RYR2: variants seen among roughly 807,000 people sequenced by gnomAD.
The protein encoded by RYR2 is ryanodine receptor 2.
Under a neutral mutation model 601.1 loss-of-function variants are expected in RYR2, and 227 were observed. The ratio of observed to expected loss-of-function variants is 0.38; its 90% CI spans 0.34 to 0.42. The LOEUF (loss-of-function observed/expected upper bound fraction) is 0.42, where lower values mean the gene tolerates loss of function less well. Among genes scored for constraint, RYR2 ranks in the 10% least tolerant of loss-of-function variants. The pLI is 1.00. For missense variants in RYR2, 4,646 were observed against 6,156.5 expected, an observed-to-expected ratio of 0.75 and a Z score of 8.21; for synonymous variants, 2,223 against 2,175.1, an observed-to-expected ratio of 1.02 and a Z score of -0.61.
intron 43 of RYR2, 76 bp downstream of exon 43, chr1:237,633,786 A>T: frequency 4.3e-6 from 6 of 1,402,708 alleles, no homozygotes; most frequent in Non-Finnish European, 5.7e-6. Context: ...ACGTTTTGTT[A>T]AAAAATGTGC....
rs138857400 is a variant in RYR2 at position 237,445,261 on chromosome 1, C to T, written c.1171-140C>T. The T allele has an allele frequency of 2.1e-4, 199 of 941,042 alleles. 1 individual carries two copies. The African/African-American group carries it at 2.2e-3, about 10-fold the overall frequency. The allele number at this position is 941,042 out of a possible 1,614,324, so 58.3% of individuals were successfully genotyped here. Reference sequence around the variant, plus strand: ...AGCTGTGCATATGATTTTATCTGAACGTAACAGCTTCACAGTCCCCTGTAC... The same window carrying T: ...AGCTGTGCATATGATTTTATCTGAATGTAACAGCTTCACAGTCCCCTGTAC... On this transcript the variant is annotated intron_variant, in intron 13 of 104. Transcript: ENST00000366574.
chr1:237,661,529 T>C (rs1683796226), intron 56 of RYR2, among the ~76,000 whole-genome samples: 1 of 152,060 alleles, frequency 6.6e-6, no homozygotes, highest in Non-Finnish European at 1.5e-5. Context: ...AAGTAACCAG[T>C]TGTAAGGTCC....
chr1:237,364,469 A>ATT, intron 5 of RYR2, 97 bp downstream of exon 5: 1 of 572,550 alleles, frequency 1.7e-6, no homozygotes, highest in Non-Finnish European at 2.9e-6. Flanking sequence ...GTATAGCTGT[A>ATT]TTATATATAT....
chr1:237,387,203 G>C (rs764693389), intron 8 of RYR2, 78 bp from the exon 9 acceptor site: 5 of 1,281,774 alleles, frequency 3.9e-6, no homozygotes, highest in Non-Finnish European at 4.6e-6. Flanking sequence ...GCAACGTTAA[G>C]TTTGCATTCC....
intron 80 of RYR2, among the ~76,000 whole-genome samples, chr1:237,743,408 A>G (rs1173949579): frequency 1.3e-5 from 2 of 152,162 alleles, no homozygotes; most frequent in Non-Finnish European, 2.9e-5. Flanking sequence ...TGATTTCTAT[A>G]ATCTTTTCTA....
rs1046406129 is a variant in RYR2, at chr1:237,640,886, A to C, written c.7116-11A>C. The stretch of plus-strand genomic sequence containing the variant: ...ATTTGCTTTCTCTTTCTTTTGAAAC[A>C]TTCATGAAAGTGACACAGAGGAGGA... On this transcript the variant is annotated splice_polypyrimidine_tract_variant and intron_variant, in intron 46 of 104. Coordinates refer to ENST00000366574, the MANE Select transcript of RYR2 (RefSeq NM_001035.3). 3 of 1,607,768 alleles carry C rather than the reference A, an allele frequency of 1.9e-6. No individual in the cohort carries two copies. Among genetic ancestry groups the C allele is most frequent in the Non-Finnish European group, 2.6e-6 (3 of 1,175,972 alleles).
intron 39 of RYR2, among the ~76,000 whole-genome samples, chr1:237,624,987 G>GTATA (rs775578380): frequency 6.6e-6 from 1 of 150,696 alleles, no homozygotes; most frequent in Admixed American, 6.6e-5. Context: ...GTATGTGTGT[G>GTATA]TATATATATA....
chr1:237,150,006 A>G (rs1483700133), intron 1 of RYR2, among the ~76,000 whole-genome samples: 1 of 152,218 alleles, frequency 6.6e-6, no homozygotes. Flanking sequence ...CTGCTGTTGT[A>G]TTAGTATTAT....
At chr1:237,212,987 G>A (rs1041600982) in intron 1 of RYR2, among the ~76,000 whole-genome samples, 156 of 152,076 alleles carry the variant, frequency 1.0e-3, no homozygotes, top group African/African-American at 3.6e-3. Flanking sequence ...GTCCAGGCTG[G>A]TCTCAAATTC....
intron 10 of RYR2, among the ~76,000 whole-genome samples, chr1:237,398,096 C>A (rs1042160621): frequency 3.3e-5 from 5 of 152,066 alleles, no homozygotes; most frequent in African/African-American, 1.2e-4. Context: ...TGAATGCCGG[C>A]CAGTCATTGT....
intron 1 of RYR2, among the ~76,000 whole-genome samples, chr1:237,130,649 T>C (rs1234825376): frequency 6.6e-6 from 1 of 151,972 alleles, no homozygotes; most frequent in Non-Finnish European, 1.5e-5. Context: ...TGAGCTGAGA[T>C]GGTGCCATTG....
intron 1 of RYR2, among the ~76,000 whole-genome samples, chr1:237,259,931 A>T (rs914793848): frequency 6.6e-6 from 1 of 152,210 alleles, no homozygotes; most frequent in Non-Finnish European, 1.5e-5. Context: ...ACTGTCAAAT[A>T]GCAGATGCAC....
intron 44 of RYR2, 116 bp from the exon 45 acceptor site, chr1:237,638,241 G>A: frequency 2.2e-6 from 3 of 1,366,866 alleles, no homozygotes; most frequent in Non-Finnish European, 3.0e-6. Context: ...AAAAGAATTT[G>A]CAAAAATGCA....
chr1:237,557,204 A>G lies in RYR2; in HGVS notation c.3214+6513A>G, dbSNP rs115391058. Among the ~76,000 whole-genome samples the G allele has an allele frequency of 3.3e-3, 501 of 152,292 alleles. 3 individuals carry two copies. The highest frequency in any genetic ancestry group is 6.8e-3 in the Middle Eastern group (2 of 294). On this transcript the variant is annotated intron_variant, in intron 27 of 104. Transcript: ENST00000366574. ...CATAGAGATGCTCGAGTGCCTTCAC[A>G]TGGAAGCTGACTTCCCCCAGAATGA...
chr1:237,387,584 T>C (rs1400834869), intron 9 of RYR2, among the ~76,000 whole-genome samples: 1 of 152,216 alleles, frequency 6.6e-6, no homozygotes, highest in Non-Finnish European at 1.5e-5. Flanking sequence ...CTTCCCTTAT[T>C]TTTATGCTAC....
At chr1:237,381,966 A>C (rs1341957613) in intron 8 of RYR2, among the ~76,000 whole-genome samples, 3 of 152,234 alleles carry the variant, frequency 2.0e-5, no homozygotes, top group Non-Finnish European at 4.4e-5. Context: ...TTAGCAAAGC[A>C]CCTTAAGAGA....
rs938112690 is a variant in RYR2 at position 237,167,480 on chromosome 1, G to A, written c.49-103017G>A. Among the ~76,000 whole-genome samples, 19 of 152,172 alleles carry A rather than the reference G, an allele frequency of 1.2e-4. 1 individual carries two copies. Among genetic ancestry groups the A allele is most frequent in the South Asian group, 8.3e-4 (4 of 4,806 alleles). ...GGAATGATGGTGAGGCTATCCTTTC[G>A]TTTGCAATAACTTTTAGACTCGGTG... On this transcript the variant is annotated intron_variant, in intron 1 of 104. Coordinates refer to ENST00000366574, the MANE Select transcript of RYR2 (RefSeq NM_001035.3).
intron 70 of RYR2, 39 bp downstream of exon 70, chr1:237,709,606 G>A (rs1218925709): frequency 7.8e-7 from 1 of 1,282,792 alleles, no homozygotes; most frequent in Non-Finnish European, 1.1e-6. Context: ...CCTACTGTTT[G>A]TAGGCACCTG....
At chr1:237,703,999 A>G (rs1004759743) in intron 66 of RYR2, among the ~76,000 whole-genome samples, 2 of 152,118 alleles carry the variant, frequency 1.3e-5, no homozygotes, top group African/African-American at 2.4e-5. Context: ...TTATAGTGGC[A>G]AGGTATAGTT....
Sources: gnomAD v4.1 joint callset for allele counts (sites outside exome capture counted in the v4.1 genomes callset) on GRCh38, gnomAD v4.1.1 for gene constraint, MANE v1.5 for transcripts, NCBI Gene and HGNC (gene_info 2026-07-23, HGNC 2026-07-21) for gene names.